CHRM3: variants seen among roughly 807,000 people sequenced by gnomAD.
CHRM3 encodes cholinergic receptor muscarinic 3, also known as muscarinic acetylcholine receptor M3.
In CHRM3, 11 loss-of-function variants were observed where a neutral mutation model predicts 41.8. The observed-to-expected ratio is 0.26, with a 90% confidence interval of 0.17 to 0.44. The LOEUF is 0.44. CHRM3 is among the 20% of genes least tolerant of loss of function. CHRM3 has a pLI of 1.00. For missense variants in CHRM3, 571 were observed against 745.4 expected (o/e 0.77, Z 2.72); for synonymous variants, 297 against 301.4 (o/e 0.99, Z 0.15).
At chr1:239,630,376 T>G (rs530105564) in intron 3 of CHRM3, among the ~76,000 whole-genome samples, 1 of 152,310 alleles carries the variant, frequency 6.6e-6, no homozygotes, top group East Asian at 1.9e-4. Context: ...CTACTGTAAA[T>G]ATTTACTGAG....
In CHRM3 at chr1:239,907,733, G is replaced by T. The variant is rs1680087635; in HGVS notation, c.282G>T (p.Lys94Asn). 1 of 1,614,038 alleles carries T rather than the reference G, an allele frequency of 6.2e-7. No individual in the cohort carries two copies. Among genetic ancestry groups the T allele is most frequent in the Non-Finnish European group, 8.5e-7 (1 of 1,180,042 alleles). The change falls in exon 7 of 7, where the codon AAG becomes AAT. Residue 94 changes from lysine to asparagine, a missense_variant. Physicochemically the swap from Lys to Asn is moderately conservative, Grantham distance 94. Around this residue, in one of 5 missense-constraint regions of CHRM3, gnomAD observed 153 missense variants for 296.3 expected, o/e 0.52. Transcript: ENST00000676153. The surrounding 1 kb of genome is among the most constrained non-coding windows in gnomAD (Gnocchi z 5.4). ...ACATCCTGGTAATTGTGTCATTTAA[G>T]GTCAACAAGCAGCTGAAGACGGTCA... is the stretch of plus-strand genomic sequence containing the variant. ...IGNILVIVSF[K>N]VNKQLKTVNN...
intron 6 of CHRM3, among the ~76,000 whole-genome samples, chr1:239,839,011 A>G (rs1343351367): frequency 6.6e-6 from 1 of 152,254 alleles, no homozygotes; most frequent in Non-Finnish European, 1.5e-5. Context: ...GAAGACAGGT[A>G]AAAAGAAGAG....
chr1:239,570,749 G>A (rs1188043994), intron 3 of CHRM3, among the ~76,000 whole-genome samples: 2 of 152,092 alleles, frequency 1.3e-5, no homozygotes, highest in African/African-American at 4.8e-5. Context: ...ATGTGAGGGA[G>A]TTTAATGTTA....
chr1:239,851,871 C>G (rs554563663), intron 6 of CHRM3, among the ~76,000 whole-genome samples: 15 of 152,238 alleles, frequency 9.9e-5, no homozygotes, highest in Non-Finnish European at 2.1e-4. Flanking sequence ...TTCCTATCAT[C>G]TCGTAGAACT....
intron 5 of CHRM3, among the ~76,000 whole-genome samples, chr1:239,695,875 G>A (rs1045998187): frequency 5.9e-5 from 9 of 152,102 alleles, no homozygotes; most frequent in Admixed American, 2.6e-4. Context: ...TCAAAAATTT[G>A]CACAATTCAT....
chr1:239,788,922 T>C (rs570756264), intron 5 of CHRM3, among the ~76,000 whole-genome samples: 2 of 152,360 alleles, frequency 1.3e-5, no homozygotes, highest in South Asian at 2.1e-4. Context: ...GTATTAGTTA[T>C]AGTAATTCTA....
chr1:239,478,056 C>G (rs1666583946), intron 1 of CHRM3, among the ~76,000 whole-genome samples: 1 of 152,126 alleles, frequency 6.6e-6, no homozygotes, highest in Non-Finnish European at 1.5e-5. Context: ...GAGCTCATAG[C>G]AAGTTTATAA....
At chr1:239,647,636 A>C (rs1040005736) in intron 4 of CHRM3, among the ~76,000 whole-genome samples, 1 of 152,106 alleles carries the variant, frequency 6.6e-6, no homozygotes, top group African/African-American at 2.4e-5. Flanking sequence ...ATTTTCCCCT[A>C]GTCCACATCT....
At chr1:239,500,087 A>G (rs1668126256) in intron 2 of CHRM3, among the ~76,000 whole-genome samples, 1 of 150,038 alleles carries the variant, frequency 6.7e-6, no homozygotes, top group Non-Finnish European at 1.5e-5. Context: ...ATTTTGAGAT[A>G]CATCCCATCA....
At chr1:239,745,489 A>G (rs1665269429) in intron 5 of CHRM3, among the ~76,000 whole-genome samples, 1 of 151,736 alleles carries the variant, frequency 6.6e-6, no homozygotes, top group South Asian at 2.1e-4. Flanking sequence ...GTTTAATGTT[A>G]CTTTTTCTTT....
At chr1:239,415,767 C>T (rs1661444752) in intron 1 of CHRM3, among the ~76,000 whole-genome samples, 1 of 152,152 alleles carries the variant, frequency 6.6e-6, no homozygotes, top group South Asian at 2.1e-4. Context: ...TCTTCTAACA[C>T]AATTCTAATC....
intron 5 of CHRM3, among the ~76,000 whole-genome samples, chr1:239,810,438 G>A (rs1342670691): frequency 1.3e-5 from 2 of 152,232 alleles, no homozygotes; most frequent in Non-Finnish European, 2.9e-5. Flanking sequence ...GCCAGCAAGG[G>A]GAGTGTTACT....
At chr1:239,776,154 T>C (rs1367766041) in intron 5 of CHRM3, among the ~76,000 whole-genome samples, 4 of 152,176 alleles carry the variant, frequency 2.6e-5, no homozygotes, top group Non-Finnish European at 5.9e-5. Context: ...CTCCTATTAC[T>C]CTCATAGATG....
intron 5 of CHRM3, among the ~76,000 whole-genome samples, chr1:239,794,387 G>GT (rs10925977): frequency 0.02 from 2,298 of 115,234 alleles, 24 homozygotes; most frequent in South Asian, 0.051. Flanking sequence ...TTCGTTTGTT[G>GT]TTTTTTTTTT....
chr1:239,640,624 T>C (rs1573073562), intron 4 of CHRM3, among the ~76,000 whole-genome samples: 1 of 151,202 alleles, frequency 6.6e-6, no homozygotes, highest in East Asian at 1.9e-4. Context: ...CCCTTTATCA[T>C]TTTTTATTGT....
chr1:239,466,977 A>G (rs890351656), intron 1 of CHRM3, among the ~76,000 whole-genome samples: 10 of 151,862 alleles, frequency 6.6e-5, no homozygotes, highest in African/African-American at 2.4e-4. Flanking sequence ...TTTCCTATTC[A>G]CTCTTAAAGG....
At chr1:239,617,299 A>G (rs887448156) in intron 3 of CHRM3, among the ~76,000 whole-genome samples, 1 of 152,188 alleles carries the variant, frequency 6.6e-6, no homozygotes, top group Admixed American at 6.5e-5. Flanking sequence ...ATCCAGTAGA[A>G]TCTAGGAAAT....
chr1:239,501,897 C>T (rs563984255), intron 2 of CHRM3, among the ~76,000 whole-genome samples: 49 of 152,174 alleles, frequency 3.2e-4, no homozygotes, highest in African/African-American at 1.2e-3. Flanking sequence ...ATGACACAAC[C>T]TATCAAAACC....
At chr1:239,688,490 A>G (rs1474318307) in intron 5 of CHRM3, among the ~76,000 whole-genome samples, 2 of 141,114 alleles carry the variant, frequency 1.4e-5, no homozygotes, top group Non-Finnish European at 3.0e-5. Context: ...TCAATATACT[A>G]TAATATATAT....
Sources: allele counts gnomAD v4.1 joint callset (sites outside exome capture counted in the v4.1 genomes callset), GRCh38; gene constraint gnomAD v4.1.1; regional missense constraint gnomAD v4.1.1; non-coding constraint Gnocchi (gnomAD v3.1); transcripts MANE v1.5; gene names NCBI Gene and HGNC (gene_info 2026-07-23, HGNC 2026-07-21).